The following DMD variants were observed in gnomAD, a reference collection of about 807,000 sequenced individuals.
DMD encodes dystrophin.
A neutral mutation model predicts 330.1 loss-of-function variants in DMD; 63 were observed. The observed-to-expected ratio is 0.19, with a 90% confidence interval of 0.16 to 0.24. DMD has a LOEUF of 0.24. DMD is among the 10% of genes least tolerant of loss of function. The pLI is 1.00. For synonymous variants in DMD, 1,223 were observed against 959.8 expected (o/e 1.27, Z -5.07); for missense variants, 3,344 against 2,684.1 (o/e 1.25, Z -5.43).
Position 32,501,794 on chromosome X carries a change from T to A in DMD, c.2341A>T (p.Ser781Cys). The A allele has an allele frequency of 1.7e-6, 2 of 1,210,099 alleles. No homozygotes were observed. The highest frequency in any genetic ancestry group is 5.9e-5 in the East Asian group (2 of 33,839). Residue 781 changes from serine (S) to cysteine (C), a missense_variant, in exon 19 of 79, where the codon AGC becomes TGC. Physicochemically the swap from Ser to Cys is moderately radical, Grantham distance 112. Transcript: ENST00000357033. ...AEKFRKLQDA[S>C]RSAQALVEQM... is the part of the protein sequence containing the mutation. Reference sequence around the variant, plus strand: ...TCCACCAGGGCCTGAGCTGATCTGCTGGCATCTTGCAGTTTTCTGAACTTC... The same window carrying A: ...TCCACCAGGGCCTGAGCTGATCTGCAGGCATCTTGCAGTTTTCTGAACTTC...
chrX:32,546,511 T>G (rs923989625), intron 16 of DMD, among the ~76,000 whole-genome samples: 1 of 111,429 alleles, frequency 9.0e-6, no homozygotes, highest in Admixed American at 9.7e-5. Flanking sequence ...CCTCAGGATC[T>G]TCTTATTTCA....
chrX:32,329,736 G>A (rs1156414210), intron 41 of DMD, among the ~76,000 whole-genome samples: 1 of 112,212 alleles, frequency 8.9e-6, no homozygotes, highest in Non-Finnish European at 1.9e-5. Context: ...TCATCACCCA[G>A]ATAGTCTATT....
chrX:32,895,325 T>G (rs927167449), intron 2 of DMD, among the ~76,000 whole-genome samples: 4 of 112,659 alleles, frequency 3.6e-5, no homozygotes, highest in African/African-American at 1.3e-4. Flanking sequence ...AGCAAGTGGT[T>G]TAGTATTGTA....
intron 2 of DMD, among the ~76,000 whole-genome samples, chrX:32,952,294 C>T (rs939735079): frequency 3.6e-5 from 4 of 110,295 alleles, no homozygotes; most frequent in East Asian, 2.8e-4. Context: ...CCACTGCACC[C>T]GGCTAATTTT....
At chrX:32,012,637 G>T (rs1293900) in intron 44 of DMD, among the ~76,000 whole-genome samples, 3,421 of 111,687 alleles carry the variant, frequency 0.031, 54 homozygotes, top group Non-Finnish European at 0.048. Flanking sequence ...TTAATGCCAA[G>T]CTCTGGTTTC....
At chrX:31,459,589 T>C (rs1167312770) in intron 59 of DMD, among the ~76,000 whole-genome samples, 1 of 111,532 alleles carries the variant, frequency 9.0e-6, no homozygotes, top group East Asian at 2.8e-4. Context: ...AAACCAAACT[T>C]CTAAAAATAA....
chrX:32,610,064 C>T (rs994740243), intron 12 of DMD, among the ~76,000 whole-genome samples: 1 of 111,360 alleles, frequency 9.0e-6, no homozygotes, highest in Non-Finnish European at 1.9e-5. Context: ...TAGCATCATG[C>T]CACTCCTTCG....
At chrX:31,570,804 G>A (rs2075769396) in intron 55 of DMD, among the ~76,000 whole-genome samples, 1 of 111,591 alleles carries the variant, frequency 9.0e-6, no homozygotes, top group Non-Finnish European at 1.9e-5. Context: ...CAGCATGCTG[G>A]GAAGGAAAAT....
chrX:31,711,945 A>C (rs1159277687), intron 52 of DMD, among the ~76,000 whole-genome samples: 2 of 111,048 alleles, frequency 1.8e-5, no homozygotes, highest in South Asian at 3.7e-4. Flanking sequence ...GACTACACAT[A>C]CTTATACATA....
At chrX:33,180,862 T>TTTA (rs2049964166) in intron 1 of DMD, among the ~76,000 whole-genome samples, 1 of 78,124 alleles carries the variant, frequency 1.3e-5, no homozygotes, top group African/African-American at 4.3e-5. Flanking sequence ...TTTTTTTTTT[T>TTTA]AAGAGCCTTT....
intron 44 of DMD, among the ~76,000 whole-genome samples, chrX:32,115,419 T>C (rs144845154): frequency 6.8e-4 from 75 of 110,825 alleles, no homozygotes; most frequent in African/African-American, 2.1e-3. Flanking sequence ...CGCGCGTGTG[T>C]GTGTGTAGAG....
At chrX:32,529,401 T>G (rs1023479235) in intron 17 of DMD, among the ~76,000 whole-genome samples, 1 of 69,208 alleles carries the variant, frequency 1.4e-5, no homozygotes, top group Non-Finnish European at 2.7e-5. Context: ...TTTTTTTTTT[T>G]TTTTTTTTTT....
At chrX:31,421,507 A>G (rs1234513908) in intron 60 of DMD, among the ~76,000 whole-genome samples, 1 of 111,894 alleles carries the variant, frequency 8.9e-6, no homozygotes, top group Non-Finnish European at 1.9e-5. Context: ...TTATATGCAT[A>G]TTCCAGTGTG....
chrX:32,880,073 T>C (rs1000793061), intron 2 of DMD, among the ~76,000 whole-genome samples: 1 of 111,247 alleles, frequency 9.0e-6, no homozygotes, highest in Non-Finnish European at 1.9e-5. Context: ...TCATCTCAAT[T>C]GAGCAAGGAA....
intron 44 of DMD, among the ~76,000 whole-genome samples, chrX:31,995,544 G>A (rs2095579291): frequency 9.0e-6 from 1 of 111,643 alleles, no homozygotes; most frequent in Non-Finnish European, 1.9e-5. Context: ...GCTTTCACTG[G>A]CTAATCAGAA....
At chrX:32,534,735 G>A (rs1313829609) in intron 17 of DMD, among the ~76,000 whole-genome samples, 3 of 111,174 alleles carry the variant, frequency 2.7e-5, no homozygotes, top group African/African-American at 9.8e-5. Flanking sequence ...AATCTCCTCA[G>A]AAGAGCCCTA....
At position 32,964,462 on chromosome X, in the gene DMD, C is replaced by G. The variant is rs185837482; in HGVS notation, c.93+55677G>C. Among the ~76,000 whole-genome samples the G allele has an allele frequency of 4.0e-3, 445 of 110,656 alleles. 1 individual carries two copies. Among genetic ancestry groups the G allele is most frequent in the Non-Finnish European group, 6.2e-3 (331 of 52,982 alleles). ...GTGACTCACACCTGTAATCCCAGCA[C>G]TTTGGAAAGCAAAGGTGGGTGGATC... On this transcript the variant is annotated intron_variant, in intron 2 of 78. Coordinates refer to ENST00000357033, the MANE Select transcript of DMD (RefSeq NM_004006.3).
At chrX:31,437,956 T>C (rs994778886) in intron 60 of DMD, among the ~76,000 whole-genome samples, 2 of 109,973 alleles carry the variant, frequency 1.8e-5, no homozygotes, top group African/African-American at 6.6e-5. Flanking sequence ...ACTGGCTACA[T>C]TGAAGGGCTC....
intron 20 of DMD, among the ~76,000 whole-genome samples, chrX:32,489,321 C>T (rs774880678): frequency 2.1e-4 from 23 of 107,342 alleles, no homozygotes; most frequent in African/African-American, 5.1e-4. Flanking sequence ...GTTTATATGA[C>T]GTCATCAGGG....
Sources: allele counts gnomAD v4.1 joint callset (sites outside exome capture counted in the v4.1 genomes callset), GRCh38; gene constraint gnomAD v4.1.1; transcripts MANE v1.5; gene names NCBI Gene and HGNC (gene_info 2026-07-23, HGNC 2026-07-21).